The following SEPTIN7 variants were observed in gnomAD, a reference collection of about 807,000 sequenced individuals.
SEPTIN7 encodes septin 7.
In SEPTIN7, 10 loss-of-function variants were observed where a neutral mutation model predicts 63.3. The observed-to-expected ratio is 0.16, with a 90% CI of 0.10 to 0.27. SEPTIN7 has a LOEUF of 0.27. Ranked by LOEUF, SEPTIN7 falls within the 10% of genes least tolerant of loss-of-function variation. SEPTIN7 has a pLI of 1.00. For synonymous variants in SEPTIN7, 131 were observed against 165.3 expected (o/e 0.79, Z 1.59); for missense variants, 310 against 521.0 (o/e 0.59, Z 3.94).
At chr7:35,890,960 T>G (rs1318096642) in intron 11 of SEPTIN7, among the ~76,000 whole-genome samples, 167 bp downstream of exon 11, 1 of 152,228 alleles carries the variant, frequency 6.6e-6, no homozygotes, top group Non-Finnish European at 1.5e-5. Context: ...TAGTAGAAGC[T>G]TTTTTGAATG....
At chr7:35,838,343 TCCCTCCCTCCCTCCCTCCCTCCTCCCTC>T in intron 3 of SEPTIN7, among the ~76,000 whole-genome samples, 1 of 4,012 alleles carries the variant, frequency 2.5e-4, no homozygotes, top group African/African-American at 1.4e-3. Flanking sequence ...CCTCCCTCCC[TCCCTCCCTCCCTCCCTCCCTCCTCCCTC>T]CCTCCCTCCC....
the SEPTIN7 span, among the ~76,000 whole-genome samples, chr7:35,914,800 C>T: frequency 4.0e-5 from 6 of 151,850 alleles, no homozygotes; most frequent in Admixed American, 1.3e-4. Flanking sequence ...CATTCTCTCT[C>T]TATATATGCA....
chr7:35,891,772 A>G (rs1257828631), intron 11 of SEPTIN7, among the ~76,000 whole-genome samples: 1 of 152,142 alleles, frequency 6.6e-6, no homozygotes, highest in East Asian at 1.9e-4. Flanking sequence ...CTTTGCTGTA[A>G]CTTTATTTTA....
chr7:35,845,510 G>T (rs1383321428), intron 3 of SEPTIN7, among the ~76,000 whole-genome samples: 6 of 152,166 alleles, frequency 3.9e-5, no homozygotes, highest in Non-Finnish European at 7.3e-5. Flanking sequence ...GCTGGGCAAA[G>T]CTGTTTTCTG....
chr7:35,837,302 GTAGT>G (rs776379751), intron 3 of SEPTIN7, among the ~76,000 whole-genome samples: 11 of 152,118 alleles, frequency 7.2e-5, no homozygotes, highest in Non-Finnish European at 1.5e-4. Context: ...TTTTAAATGT[GTAGT>G]TAAATTGTGA....
intron 3 of SEPTIN7, among the ~76,000 whole-genome samples, chr7:35,837,448 A>G (rs1784136018): frequency 6.6e-6 from 1 of 152,200 alleles, no homozygotes; most frequent in Non-Finnish European, 1.5e-5. Flanking sequence ...AGCTAGTATT[A>G]ATACTATAAT....
At chr7:35,831,645 A>G (rs1334653178) in intron 2 of SEPTIN7, 149 bp downstream of exon 2, 1 of 236,612 alleles carries the variant, frequency 4.2e-6, no homozygotes, top group African/African-American at 2.4e-5. Flanking sequence ...TATTTGACTT[A>G]AAAATGTTAG....
intron 7 of SEPTIN7, among the ~76,000 whole-genome samples, chr7:35,881,178 C>G (rs1247982063): frequency 6.6e-6 from 1 of 151,674 alleles, no homozygotes; most frequent in Non-Finnish European, 1.5e-5. Context: ...AGTTTTAGTA[C>G]ATTGTTTTTA....
intron 1 of SEPTIN7, among the ~76,000 whole-genome samples, chr7:35,809,692 G>A (rs1474502105): frequency 6.6e-6 from 1 of 152,208 alleles, no homozygotes; most frequent in East Asian, 1.9e-4. Flanking sequence ...TCTAGACTGA[G>A]AAATTATGTT....
chr7:35,871,917 T>A (rs1404112443), intron 4 of SEPTIN7, among the ~76,000 whole-genome samples: 1 of 152,218 alleles, frequency 6.6e-6, no homozygotes, highest in Non-Finnish European at 1.5e-5. Flanking sequence ...ATAATACATC[T>A]TCTGATACAG....
chr7:35,870,843 AAT>A (rs1194064765), intron 4 of SEPTIN7, among the ~76,000 whole-genome samples: 68 of 141,878 alleles, frequency 4.8e-4, no homozygotes, highest in Non-Finnish European at 8.6e-4. Context: ...AAAAAAAAAA[AAT>A]GTTTTTCCTT....
At chr7:35,802,779 A>G (rs755165160) in intron 1 of SEPTIN7, among the ~76,000 whole-genome samples, 17 of 152,124 alleles carry the variant, frequency 1.1e-4, no homozygotes, top group Non-Finnish European at 1.8e-4. Context: ...TTCAGACTGC[A>G]AGGGAATGAG....
chr7:35,883,469 A>G (rs539574446), intron 8 of SEPTIN7, among the ~76,000 whole-genome samples: 1 of 152,252 alleles, frequency 6.6e-6, no homozygotes, highest in South Asian at 2.1e-4. Context: ...AGAGCTTAAC[A>G]AATATACTAT....
intron 1 of SEPTIN7, among the ~76,000 whole-genome samples, chr7:35,827,279 C>A (rs1442674500): frequency 6.6e-6 from 1 of 151,808 alleles, no homozygotes; most frequent in Non-Finnish European, 1.5e-5. Flanking sequence ...TTTATACATA[C>A]TTATAAATGC....
At chr7:35,908,617 G>A (rs1478136980), downstream of SEPTIN7, among the ~76,000 whole-genome samples, 7 of 152,228 alleles carry the variant, frequency 4.6e-5, no homozygotes, top group African/African-American at 1.4e-4. Flanking sequence ...GGTTTGTGAA[G>A]ATGTGGCATA....
intron 3 of SEPTIN7, among the ~76,000 whole-genome samples, chr7:35,838,098 A>G (rs1460114018): frequency 2.6e-5 from 4 of 151,560 alleles, no homozygotes; most frequent in African/African-American, 9.7e-5. Context: ...ATTTTTAAAA[A>G]CTTTTTTTTT....
At chr7:35,878,120 C>A (rs1786585857) in intron 6 of SEPTIN7, among the ~76,000 whole-genome samples, 2 of 152,064 alleles carry the variant, frequency 1.3e-5, no homozygotes, top group Non-Finnish European at 2.9e-5. Context: ...TTAGTGAGGA[C>A]CCATCTGTAT....
intron 7 of SEPTIN7, 61 bp downstream of exon 7, chr7:35,880,001 A>C (rs141353965): frequency 3.4e-6 from 3 of 886,840 alleles, no homozygotes; most frequent in African/African-American, 3.3e-5. Flanking sequence ...AGTTTTTACT[A>C]TTTTTAGTAT....
At chr7:35,803,743 A>G (rs1175878069) in intron 1 of SEPTIN7, among the ~76,000 whole-genome samples, 1 of 152,162 alleles carries the variant, frequency 6.6e-6, no homozygotes, top group Non-Finnish European at 1.5e-5. Context: ...TTTTTGTACT[A>G]AGTTTGGACT....
Sources: gnomAD v4.1 joint callset for allele counts (sites outside exome capture counted in the v4.1 genomes callset) on GRCh38, gnomAD v4.1.1 for gene constraint, MANE v1.5 for transcripts, NCBI Gene and HGNC (gene_info 2026-07-23, HGNC 2026-07-21) for gene names.